SLC1A2: variants seen among roughly 807,000 people sequenced by gnomAD.
SLC1A2 encodes the protein excitatory amino acid transporter 2.
In SLC1A2, 15 loss-of-function variants were observed where a neutral mutation model predicts 48.8. That is an observed-to-expected ratio of 0.31 (90% confidence interval 0.21 to 0.47). The LOEUF (loss-of-function observed/expected upper bound fraction) is 0.47, where lower values mean the gene tolerates loss of function less well. Among genes scored for constraint, SLC1A2 ranks in the 20% least tolerant of loss-of-function variants. The pLI is 0.99. For missense variants in SLC1A2, 502 were observed against 730.5 expected (o/e 0.69, Z 3.61); for synonymous variants, 279 against 272.6 (o/e 1.02, Z -0.23).
intron 6 of SLC1A2, chr11:35,298,851 A>T (rs1015289411): frequency 6.6e-6 from 1 of 152,242 alleles, no homozygotes; most frequent in Non-Finnish European, 1.5e-5. Context: ...TGGTATGGAC[A>T]TAGGAAGGAC....
chr11:35,319,683 C>G (rs1311002821), intron 1 of SLC1A2, among the ~76,000 whole-genome samples: 1 of 152,250 alleles, frequency 6.6e-6, no homozygotes, highest in Non-Finnish European at 1.5e-5. Flanking sequence ...CCCAACCTGG[C>G]AATGTGGTTG....
intron 9 of SLC1A2, among the ~76,000 whole-genome samples, chr11:35,273,796 A>C (rs944261509): frequency 5.3e-5 from 8 of 152,204 alleles, no homozygotes; most frequent in Non-Finnish European, 1.0e-4. Flanking sequence ...AAGGGGCAGG[A>C]CCAGGATGGA....
chr11:35,322,534 G>A lies in SLC1A2; in HGVS notation c.18-5018C>T, dbSNP rs369633569. On this transcript the variant is annotated intron_variant, in intron 1 of 10. Coordinates refer to ENST00000278379, the MANE Select transcript of SLC1A2 (RefSeq NM_004171.4). ...AACTGGTGTGTTTCTCCTGGAGGATGTGAGGTTTGCAATGGGCTTCACCCA... is the reference window on the plus strand; with the variant it reads ...AACTGGTGTGTTTCTCCTGGAGGATATGAGGTTTGCAATGGGCTTCACCCA... The A allele has an allele frequency of 3.7e-4, 496 of 1,340,704 alleles. 4 individuals carry two copies. In the South Asian group the frequency reaches 5.9e-3, roughly 16 times the overall value. 83.1% of individuals were successfully genotyped at this position (1,340,704 alleles called of 1,614,324 possible).
At chr11:35,300,423 G>C (rs551235469) in intron 6 of SLC1A2, among the ~76,000 whole-genome samples, 12 of 152,204 alleles carry the variant, frequency 7.9e-5, no homozygotes, top group Non-Finnish European at 1.6e-4. Flanking sequence ...AACCATCTGG[G>C]AGATGATTAG....
rs575462146 is a variant in SLC1A2 at position 35,368,111 on chromosome 11, T to C, written c.18-50595A>G. Among the ~76,000 whole-genome samples the C allele has an allele frequency of 3.3e-5, 5 of 152,322 alleles. No homozygotes were observed. In the South Asian group the frequency reaches 1.0e-3, roughly 32 times the overall value. On this transcript the variant is annotated intron_variant, in intron 1 of 10. Coordinates refer to ENST00000278379, the MANE Select transcript of SLC1A2 (RefSeq NM_004171.4). ...AAAAGAATTTAAAAAGGAATAATTT[T>C]CTCACCCCATGATAGGACATAACTT...
At chr11:35,375,748 G>C (rs1854205950) in intron 1 of SLC1A2, among the ~76,000 whole-genome samples, 1 of 152,176 alleles carries the variant, frequency 6.6e-6, no homozygotes, top group African/African-American at 2.4e-5. Context: ...GGGATGAGGA[G>C]GGCTACAGAG....
rs1225165503 is a variant in SLC1A2, at chr11:35,355,677, G to A, written c.18-38161C>T. 2.6e-5 allele frequency among the ~76,000 whole-genome samples: 4 copies of A among 152,138 alleles called. No individual in the cohort carries two copies. The South Asian group carries it at 8.3e-4, about 32-fold the overall frequency. On this transcript the variant is annotated intron_variant, in intron 1 of 10. Transcript: ENST00000278379. ...AGGTAGGCGGATCACTTGAGGTCAG[G>A]AGTTCAAGACCAGCCTAGTCAACAT...
chr11:35,359,621 G>A (rs1460767544), intron 1 of SLC1A2, among the ~76,000 whole-genome samples: 1 of 152,202 alleles, frequency 6.6e-6, no homozygotes, highest in Non-Finnish European at 1.5e-5. Flanking sequence ...ATAATTTGAT[G>A]TGGAAAGATA....
At chr11:35,322,055 A>G (rs1244935182) in intron 1 of SLC1A2, among the ~76,000 whole-genome samples, 1 of 152,186 alleles carries the variant, frequency 6.6e-6, no homozygotes, top group Admixed American at 6.5e-5. Context: ...CCACTGCCTA[A>G]CAAAGTAAGG....
intron 1 of SLC1A2, chr11:35,323,262 G>A (rs143099688): frequency 6.2e-6 from 1 of 162,122 alleles, no homozygotes; most frequent in African/African-American, 2.4e-5. Flanking sequence ...ATTGGGCCAG[G>A]ATAGGACTGG....
chr11:35,338,267 A>G (rs1332517682), intron 1 of SLC1A2, among the ~76,000 whole-genome samples: 1 of 152,176 alleles, frequency 6.6e-6, no homozygotes, highest in South Asian at 2.1e-4. Context: ...TTTACAGAAA[A>G]CACTTGTTGA....
At chr11:35,390,124 T>G (rs147018386) in intron 1 of SLC1A2, among the ~76,000 whole-genome samples, 1,551 of 152,328 alleles carry the variant, frequency 0.01, 34 homozygotes, top group African/African-American at 0.035. Context: ...AAGCACTAGC[T>G]AAACACCCCA....
At chr11:35,369,847 T>C (rs1319856498) in intron 1 of SLC1A2, among the ~76,000 whole-genome samples, 1 of 152,124 alleles carries the variant, frequency 6.6e-6, no homozygotes, top group African/African-American at 2.4e-5. Context: ...AATATATAAC[T>C]AATGCTAACA....
chr11:35,312,063 A>G (rs1338377739), intron 4 of SLC1A2, 135 bp downstream of exon 4: 2 of 894,630 alleles, frequency 2.2e-6, no homozygotes, highest in East Asian at 4.9e-5. Context: ...ACCTCATAGA[A>G]TCCCTGGGCC....
intron 1 of SLC1A2, among the ~76,000 whole-genome samples, chr11:35,323,701 C>G (rs778372003): frequency 6.6e-5 from 10 of 152,162 alleles, no homozygotes; most frequent in Non-Finnish European, 1.3e-4. Flanking sequence ...TATACCACAA[C>G]CCTCACAGGG....
intron 7 of SLC1A2, among the ~76,000 whole-genome samples, chr11:35,287,787 A>G (rs139505071): frequency 6.6e-6 from 1 of 152,298 alleles, no homozygotes; most frequent in African/African-American, 2.4e-5. Flanking sequence ...AGGCCAGAAT[A>G]TTATTTCCAT....
At chr11:35,280,824 C>G (rs767452250) in intron 9 of SLC1A2, 43 bp downstream of exon 9, 1 of 1,428,234 alleles carries the variant, frequency 7.0e-7, no homozygotes, top group East Asian at 2.5e-5. Flanking sequence ...CCCTAGGAGG[C>G]AGTACTCACA....
intron 1 of SLC1A2, among the ~76,000 whole-genome samples, chr11:35,399,240 C>T (rs1662571880): frequency 2.0e-5 from 3 of 152,146 alleles, no homozygotes; most frequent in Admixed American, 2.0e-4. Context: ...CCCTCTTTAT[C>T]CCTAAGGAAG....
At chr11:35,297,383 T>A (rs887178641) in intron 6 of SLC1A2, among the ~76,000 whole-genome samples, 1 of 152,154 alleles carries the variant, frequency 6.6e-6, no homozygotes, top group Non-Finnish European at 1.5e-5. Context: ...ATGTTGTACT[T>A]GCAAGTGAGC....
Sources: allele counts gnomAD v4.1 joint callset (sites outside exome capture counted in the v4.1 genomes callset), GRCh38; gene constraint gnomAD v4.1.1; transcripts MANE v1.5; gene names NCBI Gene and HGNC (gene_info 2026-07-23, HGNC 2026-07-21).